EPHA3: variants seen among roughly 807,000 people sequenced by gnomAD.
The protein encoded by EPHA3 is EPH receptor A3.
In EPHA3, 42 loss-of-function variants were observed where a neutral mutation model predicts 107.1. The observed-to-expected ratio is 0.39, with a 90% CI of 0.31 to 0.51. EPHA3 has a LOEUF of 0.51. Ranked by LOEUF, EPHA3 falls within the 20% of genes least tolerant of loss-of-function variation. The pLI is 0.78. For synonymous variants in EPHA3, 461 were observed against 424.8 expected (o/e 1.09, Z -1.05); for missense variants, 1,183 against 1,211.2 (o/e 0.98, Z 0.35).
At chr3:89,458,721 C>T (rs946337923) in intron 15 of EPHA3, among the ~76,000 whole-genome samples, 30 of 152,124 alleles carry the variant, frequency 2.0e-4, no homozygotes, top group African/African-American at 5.8e-4. Flanking sequence ...TTCTAACTGG[C>T]GTGCACACGT....
At chr3:89,208,423 G>GAAGGAAGGAAGGAAGGAAGAGAGA (rs74193305) in intron 2 of EPHA3, among the ~76,000 whole-genome samples, 1 of 37,554 alleles carries the variant, frequency 2.7e-5, no homozygotes, top group Non-Finnish European at 4.7e-5. Flanking sequence ...AGGAAGGAAG[G>GAAGGAAGGAAGGAAGGAAGAGAGA]AAGAAAGAAA....
At chr3:89,241,027 T>G (rs1468075136) in intron 3 of EPHA3, among the ~76,000 whole-genome samples, 6 of 152,102 alleles carry the variant, frequency 3.9e-5, no homozygotes, top group Non-Finnish European at 8.8e-5. Flanking sequence ...AAAAATTTTT[T>G]TTTTCATTTA....
intron 3 of EPHA3, among the ~76,000 whole-genome samples, chr3:89,332,423 G>T (rs1707308031): frequency 6.6e-6 from 1 of 152,234 alleles, no homozygotes; most frequent in African/African-American, 2.4e-5. Context: ...GTTTAATGGT[G>T]TGGTGGCATT....
At chr3:89,157,147 G>A (rs920362967) in intron 2 of EPHA3, among the ~76,000 whole-genome samples, 2 of 152,068 alleles carry the variant, frequency 1.3e-5, no homozygotes, top group Non-Finnish European at 2.9e-5. Context: ...TACTGGGAAA[G>A]AAGCCAGGAT....
intron 3 of EPHA3, among the ~76,000 whole-genome samples, chr3:89,252,300 A>T (rs1291498268): frequency 1.3e-5 from 2 of 152,220 alleles, no homozygotes; most frequent in Non-Finnish European, 2.9e-5. Context: ...ATTATGCTGG[A>T]CTAAATTCCA....
At chr3:89,108,776 G>A (rs1707031553) in intron 1 of EPHA3, among the ~76,000 whole-genome samples, 1 of 152,082 alleles carries the variant, frequency 6.6e-6, no homozygotes, top group African/African-American at 2.4e-5. Context: ...CTATTCTTGT[G>A]AATACAGTCA....
At chr3:89,146,275 C>T (rs1473749654) in intron 2 of EPHA3, among the ~76,000 whole-genome samples, 4 of 151,866 alleles carry the variant, frequency 2.6e-5, no homozygotes, top group Non-Finnish European at 5.9e-5. Flanking sequence ...TGCAGTTTCA[C>T]ATGGCTTGTG....
intron 2 of EPHA3, among the ~76,000 whole-genome samples, chr3:89,134,361 TC>T (rs1704267752): frequency 6.6e-6 from 1 of 151,950 alleles, no homozygotes; most frequent in African/African-American, 2.4e-5. Flanking sequence ...ATGCTATCCC[TC>T]CCCACTCCCC....
At chr3:89,112,196 T>C (rs1230074228) in intron 1 of EPHA3, among the ~76,000 whole-genome samples, 1 of 152,060 alleles carries the variant, frequency 6.6e-6, no homozygotes, top group South Asian at 2.1e-4. Flanking sequence ...AAAAACACTT[T>C]AATACAAAAA....
At chr3:89,366,978 T>C (rs1171586486) in intron 5 of EPHA3, among the ~76,000 whole-genome samples, 1 of 150,660 alleles carries the variant, frequency 6.6e-6, no homozygotes. Flanking sequence ...TCTATAACAT[T>C]CTTCCTATCT....
chr3:89,468,217 G>A (rs58423643), intron 15 of EPHA3, among the ~76,000 whole-genome samples: 5,150 of 151,216 alleles, frequency 0.034, 290 homozygotes, highest in African/African-American at 0.12. Flanking sequence ...ACTTTGCAGG[G>A]CTAGTTATTC....
chr3:89,130,596 G>A (rs1228490962), intron 2 of EPHA3, among the ~76,000 whole-genome samples: 2 of 146,976 alleles, frequency 1.4e-5, no homozygotes, highest in Non-Finnish European at 3.0e-5. Context: ...ATTCACCTAG[G>A]TAATTTTCTT....
intron 15 of EPHA3, among the ~76,000 whole-genome samples, chr3:89,460,802 C>G: frequency 7.1e-6 from 1 of 141,780 alleles, no homozygotes; most frequent in East Asian, 2.0e-4. Flanking sequence ...TGCCGAATAC[C>G]CAAGTGATCT....
rs534079212 is a variant in EPHA3, at chr3:89,121,002, G to A, written c.89-6207G>A. ...CACCTGTAATCCCAGCACTTTGGGA[G>A]GCCGAGGCCGGCGGTTCACGAGGTC... On this transcript the variant is annotated intron_variant, in intron 1 of 16. Coordinates refer to ENST00000336596, the MANE Select transcript of EPHA3 (RefSeq NM_005233.6). Among the ~76,000 whole-genome samples, 3 of 152,312 alleles carry A rather than the reference G, an allele frequency of 2.0e-5. No individual in the cohort carries two copies. The East Asian group carries it at 5.8e-4, about 29-fold the overall frequency.
rs1176464192 is a variant in EPHA3 at position 89,449,274 on chromosome 3, G to A, written c.2396G>A (p.Arg799His). 14 of 1,611,624 alleles carry A rather than the reference G, an allele frequency of 8.7e-6. No individual in the cohort carries two copies. Among genetic ancestry groups the A allele is most frequent in the Non-Finnish European group, 1.2e-5 (14 of 1,178,486 alleles). The change falls in exon 14 of 17, where the codon CGC (arginine) becomes CAC (histidine). Residue 799 changes from arginine to histidine, a missense_variant. Arg to His is a conservative substitution (Grantham distance 29). Coordinates refer to ENST00000336596, the MANE Select transcript of EPHA3 (RefSeq NM_005233.6). The stretch of plus-strand genomic sequence containing the variant: ...ACATCACCAGAAGCTATAGCCTACC[G>A]CAAGTTCACGTCAGCCAGCGATGTA... ...RWTSPEAIAY[R>H]KFTSASDVWS...
chr3:89,147,806 A>G (rs770009737), intron 2 of EPHA3, among the ~76,000 whole-genome samples: 1 of 151,954 alleles, frequency 6.6e-6, no homozygotes, highest in Non-Finnish European at 1.5e-5. Flanking sequence ...ACTACTAACA[A>G]TTGAGAAAAC....
At chr3:89,359,536 C>T (rs923119484) in intron 5 of EPHA3, among the ~76,000 whole-genome samples, 1 of 150,104 alleles carries the variant, frequency 6.7e-6, no homozygotes, top group Admixed American at 6.7e-5. Context: ...ACATGTAATA[C>T]TGGTATTTAC....
chr3:89,460,199 A>G (rs1710194295), intron 15 of EPHA3, among the ~76,000 whole-genome samples: 1 of 152,150 alleles, frequency 6.6e-6, no homozygotes, highest in African/African-American at 2.4e-5. Flanking sequence ...AAATAGAGAA[A>G]TAATTTCTTC....
intron 5 of EPHA3, among the ~76,000 whole-genome samples, chr3:89,381,262 G>A (rs1480679020): frequency 2.0e-5 from 3 of 151,624 alleles, no homozygotes; most frequent in East Asian, 2.0e-4. Context: ...CTGAGCCACC[G>A]CGCCCGGCCT....
Sources: allele counts gnomAD v4.1 joint callset (sites outside exome capture counted in the v4.1 genomes callset), GRCh38; gene constraint gnomAD v4.1.1; transcripts MANE v1.5; gene names NCBI Gene and HGNC (gene_info 2026-07-23, HGNC 2026-07-21).